The following EAPP variants were observed in gnomAD, a reference collection of about 807,000 sequenced individuals.
EAPP encodes E2F associated phosphoprotein.
Under a neutral mutation model 34.3 loss-of-function variants are expected in EAPP, and 38 were observed. The ratio of observed to expected loss-of-function variants is 1.11; its 90% CI spans 0.85 to 1.45. The LOEUF is 1.45. Ranked by LOEUF, EAPP falls within the 40% of genes most tolerant of loss-of-function variation. The probability of loss-of-function intolerance (pLI) is 0.00; values close to 1 mark genes in which losing one functional copy is unlikely to be tolerated. For synonymous variants in EAPP, 113 were observed against 117.6 expected (o/e 0.96, Z 0.25); for missense variants, 338 against 343.7 (o/e 0.98, Z 0.13).
At chr14:34,525,995 G>C (rs1258180201) in intron 4 of EAPP, among the ~76,000 whole-genome samples, 2 of 151,800 alleles carry the variant, frequency 1.3e-5, no homozygotes, top group Non-Finnish European at 2.9e-5. Flanking sequence ...ACTCCAGCCT[G>C]GGCGACAGAG....
chr14:34,526,376 C>T (rs1015645237), intron 4 of EAPP, among the ~76,000 whole-genome samples: 3 of 151,706 alleles, frequency 2.0e-5, no homozygotes, highest in Admixed American at 6.6e-5. Context: ...CACAGTGAGC[C>T]GAAATTGCGA....
At chr14:34,523,293 A>G (rs1484143918) in intron 5 of EAPP, among the ~76,000 whole-genome samples, 2 of 149,230 alleles carry the variant, frequency 1.3e-5, no homozygotes, top group East Asian at 4.0e-4. Context: ...GCTGGAGTGC[A>G]GCGGCGTGAC....
Position 34,529,376 on chromosome 14 carries a change from A to G in EAPP, c.452T>C (p.Val151Ala). 1.2e-6 allele frequency: 2 copies of G among 1,611,020 alleles called. No individual in the cohort carries two copies. The highest frequency in any genetic ancestry group is 8.5e-7 in the Non-Finnish European group (1 of 1,177,680). Reference sequence around the variant, plus strand: ...TTCTTACCCCCTTCTCTGTGCATCAACCCAGGCCTGATCTCTGTTATCTTT... The same window carrying G: ...TTCTTACCCCCTTCTCTGTGCATCAGCCCAGGCCTGATCTCTGTTATCTTT... ...PEKDNRDQAW[V>A]DAQRRGYHGL... The change falls in exon 4 of 6, where the codon GTT becomes GCT. Residue 151 changes from valine (V) to alanine (A), a missense_variant. By Grantham distance (64) the Val-to-Ala change is moderately conservative. Transcript: ENST00000250454.
At position 34,519,387 on chromosome 14, in the gene EAPP, T is replaced by C. The variant is rs551522829; in HGVS notation, c.582-2801A>G. The stretch of plus-strand genomic sequence containing the variant: ...CCACCTCTACTAAAAATACAAAAAT[T>C]AGCCAGGAGTGGTGGTGTGTGCCTG... On this transcript the variant is annotated intron_variant, in intron 5 of 5. Transcript: ENST00000250454. 5.5e-4 allele frequency among the ~76,000 whole-genome samples: 83 copies of C among 152,108 alleles called. 1 individual carries two copies. The South Asian group carries it at 0.017, about 30-fold the overall frequency.
chr14:34,535,430 G>A (rs948726874), intron 2 of EAPP, among the ~76,000 whole-genome samples: 1 of 104,514 alleles, frequency 9.6e-6, no homozygotes, highest in Non-Finnish European at 1.9e-5. Flanking sequence ...GCACCCGGTC[G>A]CTACAGATTT....
At chr14:34,530,915 A>C (rs1880265216) in intron 3 of EAPP, among the ~76,000 whole-genome samples, 1 of 149,366 alleles carries the variant, frequency 6.7e-6, no homozygotes, top group South Asian at 2.1e-4. Flanking sequence ...AAAAAAAAAA[A>C]AAAAAAAAAA....
intron 4 of EAPP, 132 bp downstream of exon 4, chr14:34,529,226 T>C: frequency 1.5e-6 from 1 of 654,172 alleles, no homozygotes; most frequent in Non-Finnish European, 2.5e-6. Context: ...AGCAGTTTTT[T>C]CCTCTAACTT....
intron 5 of EAPP, among the ~76,000 whole-genome samples, chr14:34,519,474 G>A (rs950611015): frequency 6.6e-6 from 1 of 151,652 alleles, no homozygotes; most frequent in African/African-American, 2.4e-5. Flanking sequence ...GGTGGAGGTT[G>A]CAGTGAGCCA....
At position 34,530,198 on chromosome 14, in the gene EAPP, C is replaced by T. The variant is rs572098778; in HGVS notation, c.353-723G>A. On this transcript the variant is annotated intron_variant, in intron 3 of 5. Coordinates refer to ENST00000250454, the MANE Select transcript of EAPP (RefSeq NM_018453.4). ...CTGGGCAACAAGAGCAAAACTCCGT[C>T]TCAAAAAAAAAAAGTTAAAAAAAAC... 1.7e-3 allele frequency among the ~76,000 whole-genome samples: 259 copies of T among 150,942 alleles called. 2 individuals are homozygous for T. Among genetic ancestry groups the T allele is most frequent in the African/African-American group, 5.8e-3 (240 of 41,106 alleles).
At chr14:34,530,904 C>CAAAAAAAAAAAAA (rs780101001) in intron 3 of EAPP, among the ~76,000 whole-genome samples, 123 of 54,882 alleles carry the variant, frequency 2.2e-3, no homozygotes, top group East Asian at 3.9e-3. Context: ...CAATCTTTAC[C>CAAAAAAAAAAAAA]AAAAAAAAAA....
chr14:34,523,701 T>G (rs1253302694), intron 5 of EAPP, among the ~76,000 whole-genome samples: 1 of 151,984 alleles, frequency 6.6e-6, no homozygotes, highest in Non-Finnish European at 1.5e-5. Flanking sequence ...TATACTCAGC[T>G]AATTTTTTAT....
chr14:34,524,657 A>ATGTGTGTGTGGGTGTGTGTGTGTG, intron 5 of EAPP, 40 bp downstream of exon 5: 1 of 853,968 alleles, frequency 1.2e-6, no homozygotes, highest in Non-Finnish European at 1.9e-6. Context: ...CAAAATATGT[A>ATGTGTGTGTGGGTGTGTGTGTGTG]TGTGTGTGTG....
chr14:34,518,360 A>G, intron 5 of EAPP, among the ~76,000 whole-genome samples: 2 of 94,892 alleles, frequency 2.1e-5, no homozygotes, highest in Non-Finnish European at 3.6e-5. Flanking sequence ...TTTGAGATGG[A>G]GTCTCACTCT....
At chr14:34,519,730 C>T (rs1272980647) in intron 5 of EAPP, among the ~76,000 whole-genome samples, 1 of 151,910 alleles carries the variant, frequency 6.6e-6, no homozygotes, top group Non-Finnish European at 1.5e-5. Flanking sequence ...TCTTCCCTTC[C>T]TTACTGTCTT....
chr14:34,524,657 A>ATGTGTTTGTTTGTGTGTGTGTGTG, intron 5 of EAPP, 40 bp downstream of exon 5: 1 of 853,968 alleles, frequency 1.2e-6, no homozygotes, highest in Non-Finnish European at 1.9e-6. Flanking sequence ...CAAAATATGT[A>ATGTGTTTGTTTGTGTGTGTGTGTG]TGTGTGTGTG....
chr14:34,535,870 C>A, intron 2 of EAPP: 1 of 429,262 alleles, frequency 2.3e-6, no homozygotes. Context: ...GCACTCCAGC[C>A]TGGGTAACAG....
At chr14:34,520,115 G>A (rs1371219746) in intron 5 of EAPP, among the ~76,000 whole-genome samples, 1 of 151,838 alleles carries the variant, frequency 6.6e-6, no homozygotes, top group East Asian at 1.9e-4. Flanking sequence ...TCGAACTCCT[G>A]ACCACAGGTG....
At chr14:34,526,447 C>T (rs749489687) in intron 4 of EAPP, among the ~76,000 whole-genome samples, 4 of 150,742 alleles carry the variant, frequency 2.7e-5, no homozygotes, top group Non-Finnish European at 5.9e-5. Context: ...AAAACAAAAA[C>T]AAGCATAGAG....
chr14:34,526,966 T>G (rs1257282860), intron 4 of EAPP, among the ~76,000 whole-genome samples: 1 of 150,886 alleles, frequency 6.6e-6, no homozygotes, highest in South Asian at 2.1e-4. Flanking sequence ...AGGTCAGGAG[T>G]TCGAGACCAG....
Sources: gnomAD v4.1 joint callset for allele counts (sites outside exome capture counted in the v4.1 genomes callset) on GRCh38, gnomAD v4.1.1 for gene constraint, MANE v1.5 for transcripts, NCBI Gene and HGNC (gene_info 2026-07-23, HGNC 2026-07-21) for gene names.